The following NTNG2 variants were observed in gnomAD, a reference collection of about 807,000 sequenced individuals.
NTNG2 encodes netrin G2.
In NTNG2, 15 loss-of-function variants were observed where a neutral mutation model predicts 47.6. That is an observed-to-expected ratio of 0.32 (90% confidence interval 0.21 to 0.49). The LOEUF (loss-of-function observed/expected upper bound fraction) is 0.49. NTNG2 is among the 20% of genes least tolerant of loss of function. The pLI is 0.99. For missense variants in NTNG2, 578 were observed against 764.6 expected (o/e 0.76, Z 2.88); for synonymous variants, 307 against 324.6 (o/e 0.95, Z 0.58).
chr9:132,211,881 C>G (rs1276673338), intron 3 of NTNG2, among the ~76,000 whole-genome samples: 1 of 152,232 alleles, frequency 6.6e-6, no homozygotes. Flanking sequence ...CACCAGCACC[C>G]AGAACCAGGT....
intron 3 of NTNG2, among the ~76,000 whole-genome samples, chr9:132,199,913 G>C (rs1838613422): frequency 2.0e-5 from 3 of 152,180 alleles, no homozygotes; most frequent in South Asian, 4.1e-4. Context: ...GATGAAAGCA[G>C]CCTTTACCTC....
chr9:132,161,722 G>T (rs1458840348), upstream of NTNG2: 1 of 152,108 alleles, frequency 6.6e-6, no homozygotes, highest in East Asian at 1.9e-4. This position sits in a 1 kb window ranked among gnomAD's most constrained non-coding sequence, Gnocchi z 7.2. Context: ...TGGTGATCGT[G>T]AGTGATGGCA....
intron 2 of NTNG2, among the ~76,000 whole-genome samples, chr9:132,175,968 G>A (rs976334290): frequency 1.3e-5 from 2 of 152,186 alleles, no homozygotes; most frequent in African/African-American, 2.4e-5. Flanking sequence ...TATACCCCGG[G>A]CTCAGCATAG....
chr9:132,187,692 C>T (rs1052571154), intron 2 of NTNG2, among the ~76,000 whole-genome samples: 1 of 152,128 alleles, frequency 6.6e-6, no homozygotes, highest in Non-Finnish European at 1.5e-5. Flanking sequence ...ACAGAATCTC[C>T]GTTTCCGCTT....
chr9:132,200,108 T>C (rs1183005802), intron 3 of NTNG2, among the ~76,000 whole-genome samples: 1 of 152,180 alleles, frequency 6.6e-6, no homozygotes. Context: ...TGAGTTAAAG[T>C]TGATGAAGCA....
chr9:132,213,240 T>G (rs1364985827), intron 3 of NTNG2, among the ~76,000 whole-genome samples: 1 of 149,524 alleles, frequency 6.7e-6, no homozygotes, highest in African/African-American at 2.4e-5. Context: ...GAGAATCACT[T>G]GAACTTGGGA....
Position 132,242,207 on chromosome 9 carries a change from G to C in NTNG2, c.*96G>C. 2 of 466,220 alleles carry C rather than the reference G, an allele frequency of 4.3e-6. No individual in the cohort carries two copies. Among genetic ancestry groups the C allele is most frequent in the Non-Finnish European group, 5.8e-6 (2 of 346,260 alleles). 28.9% of individuals were successfully genotyped at this position (466,220 alleles called of 1,614,324 possible). A position where few individuals can be genotyped will look rare whatever the true frequency, so the allele number is the denominator to read the frequency against. ...CGAGGCCGGGCGGTGAGAAGGGTGCGGCCCGAGGTGCTCCCAGGTGCTACT... is the reference window on the plus strand; with the variant it reads ...CGAGGCCGGGCGGTGAGAAGGGTGCCGCCCGAGGTGCTCCCAGGTGCTACT... On this transcript the variant is annotated 3_prime_UTR_variant, in exon 8 of 8. Transcript: ENST00000393229. The surrounding 1 kb of genome is among the most constrained non-coding windows in gnomAD (Gnocchi z 5.9).
intron 2 of NTNG2, among the ~76,000 whole-genome samples, chr9:132,175,512 T>C (rs531212011): frequency 1.3e-5 from 2 of 152,082 alleles, no homozygotes; most frequent in South Asian, 2.1e-4. Flanking sequence ...TGGCCAGCAC[T>C]GATGCAGGGC....
intron 2 of NTNG2, among the ~76,000 whole-genome samples, chr9:132,189,708 C>T (rs1416903674): frequency 6.6e-6 from 1 of 152,078 alleles, no homozygotes; most frequent in Non-Finnish European, 1.5e-5. Flanking sequence ...GGTGTGATCT[C>T]AGCTCACTGC....
intron 4 of NTNG2, among the ~76,000 whole-genome samples, chr9:132,227,479 C>T (rs2130941469): frequency 6.6e-6 from 1 of 152,294 alleles, no homozygotes; most frequent in African/African-American, 2.4e-5. Context: ...GTGGGACCCC[C>T]ACTTCAGGTG....
intron 5 of NTNG2, 131 bp from the exon 6 acceptor site, chr9:132,238,973 C>A: frequency 1.1e-6 from 1 of 933,166 alleles, no homozygotes; most frequent in East Asian, 2.5e-5. Flanking sequence ...CCTAGGGCAC[C>A]TTCCGGTACC....
chr9:132,224,356 A>G (rs1162137032), intron 3 of NTNG2, among the ~76,000 whole-genome samples: 1 of 152,090 alleles, frequency 6.6e-6, no homozygotes, highest in Non-Finnish European at 1.5e-5. Context: ...TCTGTGTTGG[A>G]CACTTCAGTG....
At chr9:132,188,204 G>A (rs1837552490) in intron 2 of NTNG2, among the ~76,000 whole-genome samples, 1 of 152,238 alleles carries the variant, frequency 6.6e-6, no homozygotes, top group Non-Finnish European at 1.5e-5. Flanking sequence ...CACACCCAGG[G>A]CCTCTCCTGG....
In NTNG2 at chr9:132,209,272, G is replaced by A. The variant is rs186993009; in HGVS notation, c.857+10663G>A. On this transcript the variant is annotated intron_variant, in intron 3 of 7. Transcript: ENST00000393229. ...AAACTGCCAGGCCGTCTTCCAGCGC[G>A]GCTGTGCACTGGAGGAAGCCTGACT... Among the ~76,000 whole-genome samples the A allele has an allele frequency of 4.6e-5, 7 of 152,366 alleles. No homozygotes were observed. The East Asian group carries it at 7.7e-4, about 17-fold the overall frequency.
At chr9:132,173,611 A>G (rs1377187253) in intron 2 of NTNG2, among the ~76,000 whole-genome samples, 1 of 152,030 alleles carries the variant, frequency 6.6e-6, no homozygotes, top group Non-Finnish European at 1.5e-5. Context: ...AGCTGCCTCC[A>G]ATCCCACCTG....
At chr9:132,201,117 C>T (rs376730417) in intron 3 of NTNG2, among the ~76,000 whole-genome samples, 5 of 152,370 alleles carry the variant, frequency 3.3e-5, no homozygotes, top group African/African-American at 1.2e-4. Flanking sequence ...GTGGGGCCCT[C>T]ATGTCTGGGC....
intron 3 of NTNG2, among the ~76,000 whole-genome samples, chr9:132,202,680 C>T (rs536059617): frequency 8.5e-5 from 13 of 152,280 alleles, no homozygotes; most frequent in Non-Finnish European, 1.5e-4. Flanking sequence ...GAGGGGCCTC[C>T]GCCCCCACCC....
In NTNG2 at chr9:132,186,405, AT is replaced by A. The variant is rs146864007; in HGVS notation, c.214-11556del. On this transcript the variant is annotated intron_variant, in intron 2 of 7. Transcript: ENST00000393229. ...GTGTCCTTTAAGAAAACAATAATAC[AT>A]TTTTAAGTTCCTGGAGAGATTAACC... Among the ~76,000 whole-genome samples, 517 of 152,286 alleles carry A rather than the reference AT, an allele frequency of 3.4e-3. 5 individuals carry two copies. The highest frequency in any genetic ancestry group is 0.012 in the African/African-American group (506 of 41,548).
chr9:132,192,268 C>A (rs921917078), intron 2 of NTNG2, among the ~76,000 whole-genome samples: 4 of 152,134 alleles, frequency 2.6e-5, no homozygotes, highest in African/African-American at 9.7e-5. Flanking sequence ...TCTTCTAATA[C>A]CCCGGTGGGT....
Sources: gnomAD v4.1 joint callset for allele counts (sites outside exome capture counted in the v4.1 genomes callset) on GRCh38, gnomAD v4.1.1 for gene constraint, Gnocchi (gnomAD v3.1) non-coding constraint, MANE v1.5 for transcripts, NCBI Gene and HGNC (gene_info 2026-07-23, HGNC 2026-07-21) for gene names.